The following CEMIP2 variants were observed in gnomAD, a reference collection of about 807,000 sequenced individuals.
The protein encoded by CEMIP2 is cell surface hyaluronidase CEMIP2.
CEMIP2 carries 79 observed loss-of-function variants against 146.9 expected under a neutral mutation model. That is an observed-to-expected ratio of 0.54 (90% confidence interval 0.45 to 0.65). The LOEUF (loss-of-function observed/expected upper bound fraction) is 0.65, where lower values mean the gene tolerates loss of function less well. Among genes scored for constraint, CEMIP2 ranks in the 30% least tolerant of loss-of-function variants. The pLI, the probability that CEMIP2 is intolerant of heterozygous loss-of-function variation, is 0.00. For synonymous variants in CEMIP2, 601 were observed against 606.3 expected (o/e 0.99, Z 0.13); for missense variants, 1,596 against 1,696.2 (o/e 0.94, Z 1.04).
intron 22 of CEMIP2, chr9:71,686,074 C>A (rs1246144750): frequency 4.2e-6 from 2 of 470,966 alleles, no homozygotes; most frequent in Non-Finnish European, 7.6e-6. Flanking sequence ...TAAACCAAAT[C>A]ATTTACGTAC....
At chr9:71,729,138 C>T (rs1034194676) in intron 10 of CEMIP2, among the ~76,000 whole-genome samples, 12 of 151,628 alleles carry the variant, frequency 7.9e-5, no homozygotes, top group East Asian at 3.9e-4. Context: ...CTGTGCCTGA[C>T]GTAAGCCTAT....
At chr9:71,753,888 G>C (rs1279076859) in intron 1 of CEMIP2, among the ~76,000 whole-genome samples, 1 of 152,150 alleles carries the variant, frequency 6.6e-6, no homozygotes, top group Non-Finnish European at 1.5e-5. Flanking sequence ...TTAGAGGATT[G>C]TGGTAGGAAC....
At chr9:71,709,609 T>A in intron 16 of CEMIP2, 135 bp from the exon 17 acceptor site, 1 of 705,162 alleles carries the variant, frequency 1.4e-6, no homozygotes, top group Non-Finnish European at 2.4e-6. Context: ...TTCATAGTTG[T>A]CAGCTATGGC....
At chr9:71,722,368 T>C in intron 12 of CEMIP2, 59 bp downstream of exon 12, 5 of 1,298,852 alleles carry the variant, frequency 3.8e-6, no homozygotes, top group Non-Finnish European at 4.4e-6. Context: ...AAACTCCAGT[T>C]AGAAAGTTTT....
At chr9:71,721,398 C>T (rs1823227342) in intron 12 of CEMIP2, among the ~76,000 whole-genome samples, 1 of 151,778 alleles carries the variant, frequency 6.6e-6, no homozygotes, top group African/African-American at 2.4e-5. Flanking sequence ...TTTAGGTATC[C>T]AGTTCTTTGT....
intron 5 of CEMIP2, among the ~76,000 whole-genome samples, chr9:71,737,155 C>CAAAAAAAA (rs34623620): frequency 9.3e-6 from 1 of 107,072 alleles, no homozygotes; most frequent in Non-Finnish European, 1.9e-5. Flanking sequence ...AGATCTTTCT[C>CAAAAAAAA]AAAAAAAAAA....
chr9:71,709,230 C>T, intron 17 of CEMIP2, 29 bp downstream of exon 17: 1 of 1,608,336 alleles, frequency 6.2e-7, no homozygotes, highest in South Asian at 1.1e-5. Flanking sequence ...CTGGTAGGAA[C>T]TTGAGCATTA....
chr9:71,749,376 A>C (rs1824179305), intron 2 of CEMIP2, among the ~76,000 whole-genome samples: 1 of 152,030 alleles, frequency 6.6e-6, no homozygotes, highest in Non-Finnish European at 1.5e-5. Context: ...TAAACAAAAA[A>C]ATCTAATATA....
intron 21 of CEMIP2, among the ~76,000 whole-genome samples, chr9:71,694,098 TTTTTATTTA>T (rs1350286575): frequency 1.5e-5 from 2 of 135,494 alleles, no homozygotes; most frequent in African/African-American, 5.5e-5. Flanking sequence ...CTGTTGTTTA[TTTTTATTTA>T]TTTATTTATT....
chr9:71,733,442 T>G lies in CEMIP2; in HGVS notation c.1394-922A>C, dbSNP rs182457822. ...ATGGTATCATAGTTTTGGGGTTTTTTTGTTGGGGCAGTGTTCTTGTTTTGT... is the reference window on the plus strand; with the variant it reads ...ATGGTATCATAGTTTTGGGGTTTTTGTGTTGGGGCAGTGTTCTTGTTTTGT... On this transcript the variant is annotated intron_variant, in intron 6 of 23. Transcript: ENST00000377044. Among the ~76,000 whole-genome samples the G allele has an allele frequency of 2.6e-5, 4 of 152,320 alleles. 1 individual carries two copies. The highest frequency in any genetic ancestry group is 2.6e-4 in the Admixed American group (4 of 15,308).
intron 19 of CEMIP2, chr9:71,699,462 A>AAAAAAAG (rs547056149): frequency 9.5e-6 from 4 of 420,314 alleles, no homozygotes; most frequent in African/African-American, 4.4e-5. Flanking sequence ...TAAAAAAAAA[A>AAAAAAAG]AAAGAAAGAA....
rs1448854402 is a variant in CEMIP2, at chr9:71,732,398, T to C, written c.1516A>G (p.Asn506Asp). The change falls in exon 7 of 24, where the codon AAT (asparagine) becomes GAT (aspartate). Residue 506 changes from asparagine to aspartate, a missense_variant. Physicochemically the swap from Asn to Asp is conservative, Grantham distance 23. Transcript: ENST00000377044. Reference sequence around the variant, plus strand: ...TCATAATCAAAAAATTGGCACTGATTTTCTGCGTAGCATGAGTCCTCCACT... The same window carrying C: ...TCATAATCAAAAAATTGGCACTGATCTTCTGCGTAGCATGAGTCCTCCACT... ...GEVEDSCYAENQCQFFDYDTF... is the reference protein window; with the variant it reads ...GEVEDSCYAEDQCQFFDYDTF... 1.2e-6 allele frequency: 2 copies of C among 1,613,330 alleles called. No homozygotes were observed. The highest frequency in any genetic ancestry group is 1.7e-6 in the Non-Finnish European group (2 of 1,179,862).
intron 22 of CEMIP2, among the ~76,000 whole-genome samples, chr9:71,688,411 G>A (rs1349809288): frequency 1.3e-5 from 2 of 151,348 alleles, no homozygotes; most frequent in Admixed American, 1.3e-4. Flanking sequence ...TTTTTTTAGA[G>A]ACAGAGTCGC....
intron 2 of CEMIP2, 85 bp from the exon 3 acceptor site, chr9:71,746,426 G>A: frequency 2.0e-6 from 3 of 1,505,020 alleles, no homozygotes; most frequent in Non-Finnish European, 2.7e-6. Flanking sequence ...ATTTACTGCA[G>A]ATCTGCAAAA....
chr9:71,763,854 C>T (rs544270801), intron 1 of CEMIP2, among the ~76,000 whole-genome samples: 1 of 152,052 alleles, frequency 6.6e-6, no homozygotes, highest in Non-Finnish European at 1.5e-5. Flanking sequence ...TAATAAAAAC[C>T]CTATGCTTAA....
rs2131840439 is a variant in CEMIP2, at chr9:71,684,873, C to G, written c.*324G>C. ...CCTCAGGCTGACTCTCAGAAGCCCCCACTCCACCCCACCCCATTATACAAA... is the reference window on the plus strand; with the variant it reads ...CCTCAGGCTGACTCTCAGAAGCCCCGACTCCACCCCACCCCATTATACAAA... On this transcript the variant is annotated 3_prime_UTR_variant, in exon 24 of 24. Transcript: ENST00000377044. 1 of 221,672 alleles carries G rather than the reference C, an allele frequency of 4.5e-6. No individual in the cohort carries two copies. The highest frequency in any genetic ancestry group is 9.9e-5 in the East Asian group (1 of 10,144). 13.7% of individuals were successfully genotyped at this position (221,672 alleles called of 1,614,324 possible).
chr9:71,711,272 C>A (rs1340150495), intron 16 of CEMIP2, among the ~76,000 whole-genome samples: 1 of 151,892 alleles, frequency 6.6e-6, no homozygotes, highest in East Asian at 1.9e-4. Flanking sequence ...CAGAAATAAC[C>A]CAATTTCAGC....
intron 17 of CEMIP2, 70 bp from the exon 18 acceptor site, chr9:71,704,873 A>C: frequency 6.8e-7 from 1 of 1,460,438 alleles, no homozygotes; most frequent in South Asian, 1.2e-5. Context: ...CATTTTCAGC[A>C]CAAAGTCAAG....
At chr9:71,701,056 A>G (rs578180470) in intron 18 of CEMIP2, among the ~76,000 whole-genome samples, 1 of 152,290 alleles carries the variant, frequency 6.6e-6, no homozygotes, top group Non-Finnish European at 1.5e-5. Flanking sequence ...TCATATCAAT[A>G]GATATACAGC....
Sources: gnomAD v4.1 joint callset for allele counts (sites outside exome capture counted in the v4.1 genomes callset) on GRCh38, gnomAD v4.1.1 for gene constraint, MANE v1.5 for transcripts, NCBI Gene and HGNC (gene_info 2026-07-23, HGNC 2026-07-21) for gene names.